RIMBP2: variants seen among roughly 807,000 people sequenced by gnomAD.
RIMBP2 encodes the protein RIMS binding protein 2.
In RIMBP2, 48 loss-of-function variants were observed where a neutral mutation model predicts 118.6. The ratio of observed to expected loss-of-function variants is 0.40; its 90% CI spans 0.32 to 0.51. The LOEUF is 0.51. Ranked by LOEUF, RIMBP2 falls within the 20% of genes least tolerant of loss-of-function variation. The pLI is 0.41. For missense variants in RIMBP2, 1,551 were observed against 1,768.3 expected, an observed-to-expected ratio of 0.88 and a Z score of 2.20; for synonymous variants, 762 against 742.9, an observed-to-expected ratio of 1.03 and a Z score of -0.42.
chr12:130,437,383 G>C (rs2077606701), intron 12 of RIMBP2, 92 bp from the exon 13 acceptor site: 3 of 1,074,444 alleles, frequency 2.8e-6, no homozygotes, highest in African/African-American at 3.1e-5. Flanking sequence ...CCAGAGGCCA[G>C]GTGCAAAGGA....
chr12:130,420,466 C>T lies in RIMBP2; in HGVS notation c.3238+1987G>A, dbSNP rs553088663. 4.6e-5 allele frequency among the ~76,000 whole-genome samples: 7 copies of T among 152,278 alleles called. No homozygotes were observed. Among genetic ancestry groups the T allele is most frequent in the South Asian group, 2.1e-4 (1 of 4,830 alleles). On this transcript the variant is annotated intron_variant, in intron 17 of 22. Transcript: ENST00000690449. This position sits in a 1 kb window ranked among gnomAD's most constrained non-coding sequence, Gnocchi z 4.3. ...CAAGTGTGCTACTGAAATTAAGACA[C>T]GCATGCAGCCTTTGGAATTCTACGG...
Position 130,450,745 on chromosome 12 carries a change from G to A in RIMBP2, c.504+450C>T, listed in dbSNP as rs1166877485. Among the ~76,000 whole-genome samples, 1 of 151,464 alleles carries A rather than the reference G, an allele frequency of 6.6e-6. No individual in the cohort carries two copies. Among genetic ancestry groups the A allele is most frequent in the Non-Finnish European group, 1.5e-5 (1 of 67,972 alleles). ...ACCCCCTGCCTTAACAGCTTTCAGT[G>A]GCTTCACCTCGGACTCAGACAAAAA... is the stretch of plus-strand genomic sequence containing the variant. On this transcript the variant is annotated intron_variant, in intron 8 of 22. Transcript: ENST00000690449. This position sits in a 1 kb window ranked among gnomAD's most constrained non-coding sequence, Gnocchi z 4.8.
chr12:130,575,705 G>A (rs2058039226), intron 2 of RIMBP2, among the ~76,000 whole-genome samples: 2 of 152,194 alleles, frequency 1.3e-5, no homozygotes, highest in Non-Finnish European at 1.5e-5. Context: ...TAAACACAAA[G>A]CACCATGAAG....
At chr12:130,545,733 C>T (rs73454814) in intron 2 of RIMBP2, among the ~76,000 whole-genome samples, 5,898 of 152,286 alleles carry the variant, frequency 0.039, 391 homozygotes, top group African/African-American at 0.13. Context: ...AAGGGGCTTA[C>T]GCAGAATCTT....
intron 1 of RIMBP2, among the ~76,000 whole-genome samples, chr12:130,699,559 C>T (rs1331656281): frequency 1.6e-5 from 2 of 125,838 alleles, no homozygotes; most frequent in Admixed American, 1.0e-4. Flanking sequence ...AGGGGAACAT[C>T]ACACACCGGG....
intron 1 of RIMBP2, among the ~76,000 whole-genome samples, chr12:130,715,755 T>C (rs1438812978): frequency 5.2e-5 from 7 of 133,904 alleles, no homozygotes; most frequent in Admixed American, 7.3e-5. Context: ...CACGTCCCCT[T>C]CCCCCCCTCC....
chr12:130,477,996 C>A (rs1030337213), intron 5 of RIMBP2, among the ~76,000 whole-genome samples: 3 of 152,302 alleles, frequency 2.0e-5, no homozygotes, highest in Admixed American at 6.5e-5. Flanking sequence ...CAGGTCCCCA[C>A]CTTCTGATTT....
At chr12:130,608,577 C>G (rs887355613) in intron 2 of RIMBP2, among the ~76,000 whole-genome samples, 1 of 152,164 alleles carries the variant, frequency 6.6e-6, no homozygotes, top group Non-Finnish European at 1.5e-5. Context: ...GACCCTCCTC[C>G]TGGGGGGAGG....
intron 2 of RIMBP2, among the ~76,000 whole-genome samples, chr12:130,602,851 T>C (rs910580058): frequency 6.6e-6 from 1 of 152,196 alleles, no homozygotes; most frequent in Non-Finnish European, 1.5e-5. Flanking sequence ...AAAAATTGAA[T>C]TATGACAATG....
At chr12:130,595,335 G>T (rs139634682) in intron 2 of RIMBP2, among the ~76,000 whole-genome samples, 1 of 152,120 alleles carries the variant, frequency 6.6e-6, no homozygotes. Context: ...GAGATGGGCG[G>T]ACTATGAGGT....
chr12:130,435,050 CTTT>C lies in RIMBP2; in HGVS notation c.2107-173_2107-171del, dbSNP rs375104659. ...CTCGCTGCCCCAGACCCACCAGAAT[CTTT>C]TTTTTTTTTTGAGACAGAGTCTCAC... On this transcript the variant is annotated intron_variant, in intron 13 of 22. Coordinates refer to ENST00000690449, the MANE Select transcript of RIMBP2 (RefSeq NM_001393629.1). 3.5e-5 allele frequency among the ~76,000 whole-genome samples: 5 copies of C among 144,466 alleles called. 1 individual carries two copies. The highest frequency in any genetic ancestry group is 4.4e-4 in the South Asian group (2 of 4,502). 94.8% of individuals were successfully genotyped at this position (144,466 alleles called of 152,430 possible). A position where few individuals can be genotyped will look rare whatever the true frequency, so the allele number is the denominator to read the frequency against.
At chr12:130,664,409 A>ACGCACATGCACG (rs1555320860) in intron 1 of RIMBP2, among the ~76,000 whole-genome samples, 4 of 97,772 alleles carry the variant, frequency 4.1e-5, no homozygotes, top group Non-Finnish European at 1.0e-4. Context: ...GCACGCACGC[A>ACGCACATGCACG]CGCACACACA....
intron 2 of RIMBP2, among the ~76,000 whole-genome samples, chr12:130,592,340 T>C (rs1044484481): frequency 1.3e-5 from 2 of 152,168 alleles, no homozygotes; most frequent in African/African-American, 4.8e-5. Context: ...AATAGTGGTC[T>C]CTTTTCTGTT....
intron 1 of RIMBP2, among the ~76,000 whole-genome samples, chr12:130,652,158 A>G (rs1028795811): frequency 3.9e-4 from 60 of 152,222 alleles, no homozygotes; most frequent in Non-Finnish European, 5.1e-4. Context: ...TAGCTTTGGC[A>G]TAACCTTATG....
chr12:130,460,730 G>A (rs1308024558), intron 6 of RIMBP2, among the ~76,000 whole-genome samples: 1 of 152,158 alleles, frequency 6.6e-6, no homozygotes, highest in East Asian at 1.9e-4. Context: ...TCTTAGAGTG[G>A]CAGCCAGCCA....
chr12:130,561,898 C>G (rs2056848399), intron 2 of RIMBP2, among the ~76,000 whole-genome samples: 1 of 152,080 alleles, frequency 6.6e-6, no homozygotes, highest in Non-Finnish European at 1.5e-5. Flanking sequence ...TTAAATTTAT[C>G]TGAATTTATC....
chr12:130,536,783 T>C (rs1389289535), intron 2 of RIMBP2, among the ~76,000 whole-genome samples: 2 of 152,178 alleles, frequency 1.3e-5, no homozygotes, highest in African/African-American at 4.8e-5. Context: ...TAAAGTGAGA[T>C]GAGAGGAACA....
At chr12:130,539,990 C>A (rs71448211) in intron 2 of RIMBP2, among the ~76,000 whole-genome samples, 10 of 78,350 alleles carry the variant, frequency 1.3e-4, no homozygotes, top group African/African-American at 3.5e-4. Flanking sequence ...CAAATGCAGT[C>A]GATGAGGTGG....
chr12:130,714,968 G>A (rs932697769), intron 1 of RIMBP2, among the ~76,000 whole-genome samples: 1 of 152,166 alleles, frequency 6.6e-6, no homozygotes, highest in Non-Finnish European at 1.5e-5. Flanking sequence ...TAGAAACCGG[G>A]TGAGTGAGCC....
Sources: allele counts gnomAD v4.1 joint callset (sites outside exome capture counted in the v4.1 genomes callset), GRCh38; gene constraint gnomAD v4.1.1; non-coding constraint Gnocchi (gnomAD v3.1); transcripts MANE v1.5; gene names NCBI Gene and HGNC (gene_info 2026-07-23, HGNC 2026-07-21).